BTF3L4: variants seen among roughly 807,000 people sequenced by gnomAD.
The protein encoded by BTF3L4 is transcription factor BTF3 homolog 4.
BTF3L4 carries 6 observed loss-of-function variants against 16.8 expected under a neutral mutation model. The ratio of observed to expected loss-of-function variants is 0.36; its 90% confidence interval spans 0.20 to 0.71. BTF3L4 has a LOEUF of 0.71. Ranked by LOEUF, BTF3L4 falls within the 30% of genes least tolerant of loss-of-function variation. The pLI, the probability that BTF3L4 is intolerant of heterozygous loss-of-function variation, is 0.58. For synonymous variants in BTF3L4, 39 were observed against 59.8 expected (o/e 0.65, Z 1.60); for missense variants, 92 against 186.9 (o/e 0.49, Z 2.96).
intron 3 of BTF3L4, among the ~76,000 whole-genome samples, chr1:52,079,294 A>G (rs1687006267): frequency 6.6e-6 from 1 of 151,894 alleles, no homozygotes; most frequent in South Asian, 2.1e-4. Context: ...GAGGCAGGAG[A>G]ATCGCTTGAA....
intron 4 of BTF3L4, among the ~76,000 whole-genome samples, chr1:52,085,385 T>G (rs929587605): frequency 9.2e-5 from 14 of 151,392 alleles, no homozygotes; most frequent in South Asian, 2.1e-4. Flanking sequence ...GTTTTGTTTT[T>G]TTTTTGAGAC....
intron 3 of BTF3L4, among the ~76,000 whole-genome samples, chr1:52,072,994 G>T (rs969431999): frequency 1.3e-5 from 2 of 152,090 alleles, no homozygotes; most frequent in African/African-American, 4.8e-5. Context: ...GGAGGCGGAG[G>T]TTGCAGTGAG....
At chr1:52,071,851 C>T (rs1261660351) in intron 3 of BTF3L4, among the ~76,000 whole-genome samples, 1 of 151,492 alleles carries the variant, frequency 6.6e-6, no homozygotes, top group African/African-American at 2.4e-5. Flanking sequence ...GCACCATGTC[C>T]TATTCACTTT....
intron 2 of BTF3L4, among the ~76,000 whole-genome samples, chr1:52,062,428 C>T (rs1159042805): frequency 5.3e-5 from 8 of 151,886 alleles, no homozygotes; most frequent in African/African-American, 9.7e-5. Context: ...TCTCAAACTC[C>T]TGACCTTATG....
chr1:52,076,593 C>CAAA (rs71579904), intron 3 of BTF3L4, among the ~76,000 whole-genome samples: 1 of 87,634 alleles, frequency 1.1e-5, no homozygotes, highest in Non-Finnish European at 2.4e-5. Context: ...GATTCTGTCT[C>CAAA]AAAAAAAAAA....
intron 2 of BTF3L4, among the ~76,000 whole-genome samples, chr1:52,061,750 C>T (rs1485850798): frequency 6.7e-6 from 1 of 148,666 alleles, no homozygotes; most frequent in African/African-American, 2.5e-5. Flanking sequence ...AGGCAATTCT[C>T]CTGCCTCAGT....
At chr1:52,057,540 A>G (rs1478206795) in intron 1 of BTF3L4, among the ~76,000 whole-genome samples, 1 of 152,232 alleles carries the variant, frequency 6.6e-6, no homozygotes, top group Non-Finnish European at 1.5e-5. Context: ...TGGTGCTAGC[A>G]GATGTTGAGA....
rs538521006 is a variant in BTF3L4 at position 52,085,380 on chromosome 1, GT to G, written c.371-722del. Among the ~76,000 whole-genome samples, 1,041 of 131,626 alleles carry G rather than the reference GT, an allele frequency of 7.9e-3. 13 individuals are homozygous for G. The highest frequency in any genetic ancestry group is 0.027 in the African/African-American group (981 of 35,880). The allele number at this position is 131,626 out of a possible 152,430, so 86.4% of individuals were successfully genotyped here. ...TTTTGTTTGTTTGTTTTTTTGTTTTGTTTTTTTTTTGAGACAGAGTCTGACT... is the reference window on the plus strand; with the variant it reads ...TTTTGTTTGTTTGTTTTTTTGTTTTGTTTTTTTTTGAGACAGAGTCTGACT... On this transcript the variant is annotated intron_variant, in intron 4 of 5. Coordinates refer to ENST00000313334, the MANE Select transcript of BTF3L4 (RefSeq NM_152265.5).
chr1:52,079,896 G>A (rs1268904840), intron 3 of BTF3L4, among the ~76,000 whole-genome samples: 4 of 134,652 alleles, frequency 3.0e-5, no homozygotes, highest in African/African-American at 1.1e-4. Context: ...TTTTGAGACA[G>A]GGTCTCGCTC....
intron 3 of BTF3L4, among the ~76,000 whole-genome samples, chr1:52,078,262 G>A (rs1365965225): frequency 2.9e-5 from 4 of 138,136 alleles, no homozygotes; most frequent in Admixed American, 1.6e-4. Flanking sequence ...TGGGGTTCTC[G>A]CTGTGTTGTC....
intron 3 of BTF3L4, among the ~76,000 whole-genome samples, chr1:52,072,104 G>A (rs985679431): frequency 6.6e-6 from 1 of 151,094 alleles, no homozygotes; most frequent in Non-Finnish European, 1.5e-5. Context: ...GCCCAGGCTG[G>A]AGTGCAGTGG....
chr1:52,075,394 C>T (rs937133111), intron 3 of BTF3L4, among the ~76,000 whole-genome samples: 3 of 151,058 alleles, frequency 2.0e-5, no homozygotes, highest in South Asian at 2.1e-4. Flanking sequence ...GTGGCACGCT[C>T]CTGTAGCCCC....
intron 3 of BTF3L4, among the ~76,000 whole-genome samples, chr1:52,072,317 T>C (rs996324998): frequency 1.6e-4 from 24 of 152,104 alleles, no homozygotes; most frequent in African/African-American, 4.6e-4. Context: ...GCCTCCCAAG[T>C]GCTGGATTAC....
intron 3 of BTF3L4, among the ~76,000 whole-genome samples, chr1:52,079,161 T>C (rs1687003297): frequency 6.6e-6 from 1 of 152,164 alleles, no homozygotes; most frequent in African/African-American, 2.4e-5. Context: ...TTATAATAGC[T>C]CGTGCCCAGA....
intron 3 of BTF3L4, 74 bp downstream of exon 3, chr1:52,065,012 AAT>A: frequency 1.3e-6 from 1 of 777,036 alleles, no homozygotes; most frequent in South Asian, 2.2e-5. Context: ...TCAGATGTAA[AAT>A]ATCAGCTTAG....
chr1:52,059,470 A>G (rs531201721), intron 1 of BTF3L4, among the ~76,000 whole-genome samples: 21 of 152,318 alleles, frequency 1.4e-4, no homozygotes, highest in African/African-American at 5.1e-4. Flanking sequence ...CTCTGCTGTA[A>G]AAATCTTTGG....
At chr1:52,085,722 T>G (rs1643966273) in intron 4 of BTF3L4, among the ~76,000 whole-genome samples, 1 of 152,064 alleles carries the variant, frequency 6.6e-6, no homozygotes, top group Non-Finnish European at 1.5e-5. Flanking sequence ...TGGTGGTGTT[T>G]GCCTGTAATC....
At chr1:52,059,990 A>G in intron 2 of BTF3L4, 89 bp downstream of exon 2, 1 of 1,242,796 alleles carries the variant, frequency 8.0e-7, no homozygotes, top group Non-Finnish European at 1.1e-6. Context: ...GAAAATCTAA[A>G]ATCTTTTCAA....
chr1:52,086,633 G>A (rs1643975734), intron 5 of BTF3L4, 79 bp from the exon 6 acceptor site: 18 of 842,072 alleles, frequency 2.1e-5, no homozygotes, highest in Non-Finnish European at 2.6e-5. Flanking sequence ...TTTTTCGGGG[G>A]TTAGAAGTTA....
Sources: gnomAD v4.1 joint callset for allele counts (sites outside exome capture counted in the v4.1 genomes callset) on GRCh38, gnomAD v4.1.1 for gene constraint, MANE v1.5 for transcripts, NCBI Gene and HGNC (gene_info 2026-07-23, HGNC 2026-07-21) for gene names.